Variants in SLC12A3 observed in about 807,000 individuals in gnomAD.
SLC12A3 encodes the protein Na-Cl cotransporter.
Under a neutral mutation model 121.0 loss-of-function variants are expected in SLC12A3, and 104 were observed. That is an observed-to-expected ratio of 0.86 (90% CI 0.73 to 1.01). The LOEUF (loss-of-function observed/expected upper bound fraction) is 1.01. SLC12A3 is among the 50% of genes least tolerant of loss of function. The pLI is 0.00. For missense variants in SLC12A3, 1,328 were observed against 1,356.3 expected, an observed-to-expected ratio of 0.98 and a Z score of 0.33; for synonymous variants, 536 against 533.4, an observed-to-expected ratio of 1.00 and a Z score of -0.07.
chr16:56,887,606 G>T (rs2055331370), intron 17 of SLC12A3, among the ~76,000 whole-genome samples: 1 of 151,674 alleles, frequency 6.6e-6, no homozygotes, highest in South Asian at 2.1e-4. Context: ...GTGGGGGCTT[G>T]TGTCACCTTG....
Position 56,879,064 on chromosome 16 carries a change from T to C in SLC12A3, c.1181-9T>C. 1 of 1,604,128 alleles carries C rather than the reference T, an allele frequency of 6.2e-7. No individual in the cohort carries two copies. Among genetic ancestry groups the C allele is most frequent in the Non-Finnish European group, 8.5e-7 (1 of 1,176,020 alleles). On this transcript the variant is annotated splice_polypyrimidine_tract_variant and intron_variant, in intron 9 of 25. Coordinates refer to ENST00000563236, the MANE Select transcript of SLC12A3 (RefSeq NM_001126108.2). ...GCAGACCTCCCCATGCTCTCCTTCC[T>C]CCTCTCAGGCTCCTGCGTGGTGCGT...
At position 56,882,979 on chromosome 16, in the gene SLC12A3, G is replaced by A. The variant is rs185504734; in HGVS notation, c.1669+482G>A. On this transcript the variant is annotated intron_variant, in intron 13 of 25. Coordinates refer to ENST00000563236, the MANE Select transcript of SLC12A3 (RefSeq NM_001126108.2). ...TAATAATAATGATAATAATAATAGC[G>A]GCTCTCCTTTCTCGCGCACTGACAG... is the stretch of plus-strand genomic sequence containing the variant. 2.0e-3 allele frequency among the ~76,000 whole-genome samples: 305 copies of A among 152,024 alleles called. 2 individuals carry two copies. The highest frequency in any genetic ancestry group is 6.9e-3 in the African/African-American group (287 of 41,466).
rs565619570 is a variant in SLC12A3 at position 56,908,661 on chromosome 16, G to T, written c.2924+4199G>T. ...GGAAGCTGGCTCTGCCCAGAACAAT[G>T]CTTCCTGGGGCTTTAGGGACATGAT... On this transcript the variant is annotated intron_variant, in intron 25 of 25. Coordinates refer to ENST00000563236, the MANE Select transcript of SLC12A3 (RefSeq NM_001126108.2). Among the ~76,000 whole-genome samples the T allele has an allele frequency of 1.8e-4, 28 of 152,304 alleles. No homozygotes were observed. In the South Asian group the frequency reaches 4.8e-3, roughly 26 times the overall value.
intron 14 of SLC12A3, 98 bp downstream of exon 14, chr16:56,884,302 T>C: frequency 7.8e-7 from 1 of 1,279,362 alleles, no homozygotes; most frequent in Non-Finnish European, 1.1e-6. Context: ...TGAGTCCGGC[T>C]CTGTGCTGTC....
Position 56,894,626 on chromosome 16 carries a change from G to A in SLC12A3, c.2617G>A (p.Asp873Asn), listed in dbSNP as rs768061433. ...CGTAGGCGGCCAGATTAACAGGATG[G>A]ACCAGGAGAGAAAGGCGTAAGTGTG... ...VFVGGQINRM[D>N]QERKAIISLL... The change falls in exon 22 of 26, where the codon GAC (aspartate) becomes AAC (asparagine). Residue 873 changes from aspartate to asparagine, a missense_variant. By Grantham distance (23) the Asp-to-Asn change is conservative. Coordinates refer to ENST00000563236, the MANE Select transcript of SLC12A3 (RefSeq NM_001126108.2). 2 of 1,613,870 alleles carry A rather than the reference G, an allele frequency of 1.2e-6. No homozygotes were observed. The highest frequency in any genetic ancestry group is 1.7e-6 in the Non-Finnish European group (2 of 1,179,894).
In SLC12A3 at chr16:56,868,371, C is replaced by G; in HGVS notation, c.504C>G (p.Ile168Met). 1 of 1,611,818 alleles carries G rather than the reference C, an allele frequency of 6.2e-7. No homozygotes were observed. ...CCTGGATTACGGCCCAGGCAGGCAT[C>G]GGTGAGTGCCCCTCTGGGGAAGAGG... The part of the protein sequence containing the change: ...RLPWITAQAG[I>M]VLTWIIILLS... Residue 168 changes from isoleucine to methionine, a missense_variant and splice_region_variant, in exon 3 of 26, where the codon ATC becomes ATG. By Grantham distance (10) the Ile-to-Met change is conservative. Transcript: ENST00000563236.
At chr16:56,879,926 C>T (rs1202541590) in intron 11 of SLC12A3, among the ~76,000 whole-genome samples, 2 of 152,150 alleles carry the variant, frequency 1.3e-5, no homozygotes, top group East Asian at 3.9e-4. Context: ...GCCATCCATC[C>T]CCCAGTCATG....
intron 25 of SLC12A3, among the ~76,000 whole-genome samples, chr16:56,907,301 C>CA (rs2055621034): frequency 6.6e-6 from 1 of 152,012 alleles, no homozygotes; most frequent in Non-Finnish European, 1.5e-5. Context: ...ACTAAAAATA[C>CA]AAAAAAATTA....
At chr16:56,877,012 G>C (rs2055172315) in intron 8 of SLC12A3, among the ~76,000 whole-genome samples, 3 of 152,226 alleles carry the variant, frequency 2.0e-5, no homozygotes, top group Admixed American at 2.0e-4. Context: ...GGGTGCCCAG[G>C]CCACTTCTCA....
intron 22 of SLC12A3, 42 bp from the exon 23 acceptor site, chr16:56,899,488 C>A (rs762880615): frequency 2.0e-6 from 3 of 1,492,140 alleles, no homozygotes; most frequent in South Asian, 2.3e-5. Flanking sequence ...GACGCTGTCT[C>A]AAGAAAAAGT....
intron 12 of SLC12A3, among the ~76,000 whole-genome samples, chr16:56,881,379 T>C (rs185623793): frequency 6.6e-6 from 1 of 152,154 alleles, no homozygotes; most frequent in Non-Finnish European, 1.5e-5. Context: ...TGCTTCCTGC[T>C]CACCGGGGCC....
chr16:56,873,374 C>CTTTTTTTTTTT (rs59478629), intron 8 of SLC12A3, among the ~76,000 whole-genome samples: 20 of 75,372 alleles, frequency 2.7e-4, no homozygotes, highest in African/African-American at 4.2e-4. Flanking sequence ...CTCTTTCTTT[C>CTTTTTTTTTTT]TTTTTTTTTT....
At chr16:56,869,879 G>T in intron 4 of SLC12A3, 55 bp downstream of exon 4, 1 of 1,522,046 alleles carries the variant, frequency 6.6e-7, no homozygotes, top group South Asian at 1.1e-5. Flanking sequence ...CTAATCCTGG[G>T]AACAGGACTC....
intron 23 of SLC12A3, among the ~76,000 whole-genome samples, chr16:56,901,635 C>T (rs935038760): frequency 5.3e-5 from 8 of 152,218 alleles, no homozygotes; most frequent in East Asian, 1.9e-4. Flanking sequence ...CCACTGTGCC[C>T]GGCCCCAGCC....
chr16:56,878,035 T>TCTCCCTCCCTCCCTCCCTCG, intron 8 of SLC12A3, 42 bp from the exon 9 acceptor site: 1 of 459,022 alleles, frequency 2.2e-6, no homozygotes, highest in Non-Finnish European at 4.1e-6. Context: ...TCCCTCCCTC[T>TCTCCCTCCCTCCCTCCCTCG]CTCCCTCCCT....
intron 25 of SLC12A3, 24 bp from the exon 26 acceptor site, chr16:56,913,240 C>T (rs554756244): frequency 1.2e-6 from 2 of 1,614,084 alleles, no homozygotes; most frequent in Non-Finnish European, 1.7e-6. Flanking sequence ...AATCTCTCTT[C>T]TACCACTTTT....
chr16:56,878,037 T>TG, intron 8 of SLC12A3, 40 bp from the exon 9 acceptor site: 7 of 421,380 alleles, frequency 1.7e-5, no homozygotes, highest in Non-Finnish European at 2.2e-5. Flanking sequence ...CCTCCCTCTC[T>TG]CCCTCCCTCC....
chr16:56,886,619 GCCTGGGTGTGATGT>G (rs764943263), intron 16 of SLC12A3, 144 bp downstream of exon 16: 7 of 768,266 alleles, frequency 9.1e-6, no homozygotes, highest in Non-Finnish European at 1.3e-5. Flanking sequence ...TGGGGGAGTC[GCCTGGGTGTGATGT>G]CCACCCACAG....
At chr16:56,875,623 T>C (rs2055155765) in intron 8 of SLC12A3, among the ~76,000 whole-genome samples, 1 of 152,046 alleles carries the variant, frequency 6.6e-6, no homozygotes. Flanking sequence ...TGCACAATCC[T>C]GCCCCCACCC....
Sources: allele counts gnomAD v4.1 joint callset (sites outside exome capture counted in the v4.1 genomes callset), GRCh38; gene constraint gnomAD v4.1.1; transcripts MANE v1.5; gene names NCBI Gene and HGNC (gene_info 2026-07-23, HGNC 2026-07-21).